Variants in MICU2 observed in about 807,000 individuals in gnomAD.
MICU2 encodes mitochondrial calcium uptake 2.
Under a neutral mutation model 60.4 loss-of-function variants are expected in MICU2, and 64 were observed. That is an observed-to-expected ratio of 1.06 (90% CI 0.87 to 1.31). The LOEUF (loss-of-function observed/expected upper bound fraction) is 1.31. Among genes scored for constraint, MICU2 ranks in the 50% most tolerant of loss-of-function variants. MICU2 has a pLI of 0.00. For synonymous variants in MICU2, 201 were observed against 175.0 expected (o/e 1.15, Z -1.17); for missense variants, 569 against 531.0 (o/e 1.07, Z -0.70).
chr13:21,566,500 A>AT (rs374021304), intron 2 of MICU2, among the ~76,000 whole-genome samples: 26,998 of 147,050 alleles, frequency 0.18, 3,193 homozygotes, highest in Non-Finnish European at 0.28. Flanking sequence ...ATCTAGTTTC[A>AT]TTTTTTTTTT....
At position 21,493,321 on chromosome 13, in the gene MICU2, C is replaced by G; in HGVS notation, c.1233G>C (p.Trp411Cys). The G allele has an allele frequency of 6.2e-7, 1 of 1,610,322 alleles. No homozygotes were observed. The change falls in exon 12 of 12, where the codon TGG (tryptophan) becomes TGC (cysteine). Residue 411 changes from tryptophan to cysteine, a missense_variant. Transcript: ENST00000382374. ...TAATGCTTTCTTTCTTCACACACTT[C>G]CAGTATTCTTGTATACTCTGATGTT... The part of the protein sequence containing the change: ...VPQHQSIQEY[W>C]KCVKKESIKG...
intron 2 of MICU2, among the ~76,000 whole-genome samples, chr13:21,565,338 G>A (rs1408179210): frequency 6.6e-6 from 1 of 151,574 alleles, no homozygotes; most frequent in Non-Finnish European, 1.5e-5. Flanking sequence ...GACCAGCCTG[G>A]CCAACATGGT....
intron 1 of MICU2, among the ~76,000 whole-genome samples, chr13:21,600,804 ATTAT>A (rs1318775954): frequency 6.6e-6 from 1 of 151,720 alleles, no homozygotes; most frequent in African/African-American, 2.4e-5. Context: ...TATTATTATT[ATTAT>A]TATTTTGAGA....
intron 6 of MICU2, among the ~76,000 whole-genome samples, chr13:21,520,405 C>T (rs1886687614): frequency 6.6e-6 from 1 of 152,062 alleles, no homozygotes; most frequent in Admixed American, 6.6e-5. Flanking sequence ...TTATTCCCAC[C>T]AGCAATGTAA....
chr13:21,545,009 G>A (rs1887381582), intron 2 of MICU2, among the ~76,000 whole-genome samples: 1 of 152,016 alleles, frequency 6.6e-6, no homozygotes. Flanking sequence ...ATACTACTAT[G>A]GACAACAGTA....
Position 21,558,381 on chromosome 13 carries a change from C to T in MICU2, c.358+8416G>A, listed in dbSNP as rs143462967. Among the ~76,000 whole-genome samples, 653 of 152,158 alleles carry T rather than the reference C, an allele frequency of 4.3e-3. 6 individuals are homozygous for T. The highest frequency in any genetic ancestry group is 0.014 in the African/African-American group (602 of 41,524). On this transcript the variant is annotated intron_variant, in intron 2 of 11. Transcript: ENST00000382374. ...TGTCAGTGTTTAATATTTGTAATGA[C>T]CCCAGGAGGGCTCCTTATAGCTGTC...
intron 1 of MICU2, among the ~76,000 whole-genome samples, chr13:21,600,761 A>C (rs781405251): frequency 6.6e-6 from 1 of 151,996 alleles, no homozygotes; most frequent in Non-Finnish European, 1.5e-5. Flanking sequence ...AAAAGCACTT[A>C]GTGTAATGAC....
intron 3 of MICU2, 90 bp from the exon 4 acceptor site, chr13:21,539,467 T>A: frequency 7.3e-7 from 1 of 1,371,666 alleles, no homozygotes; most frequent in East Asian, 2.4e-5. Flanking sequence ...GCCGGCTAAT[T>A]TCTTTTTGTA....
At chr13:21,513,455 G>A (rs1416465141) in intron 7 of MICU2, among the ~76,000 whole-genome samples, 4 of 151,760 alleles carry the variant, frequency 2.6e-5, no homozygotes, top group Admixed American at 1.3e-4. Context: ...AAAAAACTAC[G>A]GGCTGGGCAC....
intron 4 of MICU2, among the ~76,000 whole-genome samples, chr13:21,524,933 TGC>T (rs1158862962): frequency 6.6e-6 from 1 of 152,212 alleles, no homozygotes; most frequent in Non-Finnish European, 1.5e-5. Flanking sequence ...TCATTCATAC[TGC>T]AGCATATGTC....
At chr13:21,559,012 C>T (rs1887774676) in intron 2 of MICU2, among the ~76,000 whole-genome samples, 1 of 152,170 alleles carries the variant, frequency 6.6e-6, no homozygotes, top group Non-Finnish European at 1.5e-5. Context: ...TTCCATTCAA[C>T]AAACTGGGAC....
At chr13:21,501,369 TCTC>T (rs1410614348) in intron 9 of MICU2, among the ~76,000 whole-genome samples, 1 of 152,036 alleles carries the variant, frequency 6.6e-6, no homozygotes, top group Admixed American at 6.6e-5. Flanking sequence ...TTCACACTAT[TCTC>T]CTGCCTCAGC....
chr13:21,503,747 T>C (rs1886233460), intron 8 of MICU2, among the ~76,000 whole-genome samples: 1 of 152,234 alleles, frequency 6.6e-6, no homozygotes, highest in Admixed American at 6.5e-5. Flanking sequence ...ATATATCTTC[T>C]TTGAACAAGA....
intron 1 of MICU2, among the ~76,000 whole-genome samples, chr13:21,577,125 T>G (rs1888244492): frequency 6.6e-6 from 1 of 152,186 alleles, no homozygotes; most frequent in Non-Finnish European, 1.5e-5. Flanking sequence ...TAGTACTAGC[T>G]CTCTTCAATG....
intron 1 of MICU2, among the ~76,000 whole-genome samples, chr13:21,586,663 C>T (rs141801435): frequency 2.0e-5 from 3 of 152,100 alleles, no homozygotes; most frequent in African/African-American, 4.8e-5. Flanking sequence ...CCTCCTGCCT[C>T]GGCCTTCAAA....
chr13:21,591,314 A>G (rs1365841223), intron 1 of MICU2, among the ~76,000 whole-genome samples: 1 of 152,226 alleles, frequency 6.6e-6, no homozygotes, highest in African/African-American at 2.4e-5. Flanking sequence ...GGAACAATTC[A>G]ACAAGAGCTA....
At chr13:21,582,287 A>C (rs1888364124) in intron 1 of MICU2, among the ~76,000 whole-genome samples, 1 of 152,208 alleles carries the variant, frequency 6.6e-6, no homozygotes, top group South Asian at 2.1e-4. Flanking sequence ...CTATCTACTG[A>C]AGATACAATA....
intron 6 of MICU2, chr13:21,515,498 A>G (rs1886548979): frequency 2.4e-6 from 1 of 422,732 alleles, no homozygotes; most frequent in Non-Finnish European, 4.7e-6. Context: ...GACACTGTAA[A>G]TAGTACTTTG....
At chr13:21,504,481 C>A (rs559619128) in intron 8 of MICU2, among the ~76,000 whole-genome samples, 1 of 152,224 alleles carries the variant, frequency 6.6e-6, no homozygotes, top group Admixed American at 6.5e-5. Flanking sequence ...TTTCATCTTA[C>A]CTAATTACAC....
Sources: gnomAD v4.1 joint callset for allele counts (sites outside exome capture counted in the v4.1 genomes callset) on GRCh38, gnomAD v4.1.1 for gene constraint, MANE v1.5 for transcripts, NCBI Gene and HGNC (gene_info 2026-07-23, HGNC 2026-07-21) for gene names.